KATNAL2: variants seen among roughly 807,000 people sequenced by gnomAD.
KATNAL2 encodes katanin catalytic subunit A1 like 2.
KATNAL2 carries 52 observed loss-of-function variants against 76.3 expected under a neutral mutation model. The observed-to-expected ratio is 0.68, with a 90% CI of 0.55 to 0.86. KATNAL2 has a LOEUF of 0.86. KATNAL2 is among the 40% of genes least tolerant of loss of function. The probability of loss-of-function intolerance (pLI) is 0.00; values close to 1 mark genes in which losing one functional copy is unlikely to be tolerated. For synonymous variants in KATNAL2, 243 were observed against 244.2 expected, an observed-to-expected ratio of 1.00 and a Z score of 0.05; for missense variants, 660 against 668.9, an observed-to-expected ratio of 0.99 and a Z score of 0.15.
At chr18:46,922,981 T>A (rs1189702766) in intron 1 of KATNAL2, among the ~76,000 whole-genome samples, 1 of 148,538 alleles carries the variant, frequency 6.7e-6, no homozygotes, top group Non-Finnish European at 1.5e-5. Context: ...AGTAAACACT[T>A]CAGTCCATAT....
chr18:46,961,282 G>C (rs2059937934), intron 3 of KATNAL2, among the ~76,000 whole-genome samples: 1 of 152,046 alleles, frequency 6.6e-6, no homozygotes, highest in Non-Finnish European at 1.5e-5. Context: ...CAAGGTGGCA[G>C]GGGCGGTGGG....
intron 3 of KATNAL2, chr18:47,035,215 C>T (rs1416783971): frequency 2.5e-6 from 4 of 1,612,614 alleles, no homozygotes; most frequent in South Asian, 1.1e-5. Flanking sequence ...AGTGGCCAGA[C>T]GCACCTGCAG....
chr18:47,096,503 G>A (rs147901508), intron 15 of KATNAL2, among the ~76,000 whole-genome samples: 6 of 151,998 alleles, frequency 3.9e-5, no homozygotes, highest in South Asian at 2.1e-4. Context: ...CACCACACCC[G>A]GCTAATTTTT....
At chr18:47,047,386 G>C (rs2061194210) in intron 4 of KATNAL2, among the ~76,000 whole-genome samples, 1 of 152,128 alleles carries the variant, frequency 6.6e-6, no homozygotes, top group African/African-American at 2.4e-5. Flanking sequence ...CTGGCTATGT[G>C]CACAAGATAA....
chr18:47,084,847 TAAAAAAAAAAAAAA>T (rs34034453), intron 15 of KATNAL2, among the ~76,000 whole-genome samples: 1 of 25,534 alleles, frequency 3.9e-5, no homozygotes, highest in Non-Finnish European at 6.5e-5. Context: ...AGACTCTGTC[TAAAAAAAAAAAAAA>T]AAAAAAAAAA....
At chr18:47,074,690 G>A (rs2062132513) in intron 13 of KATNAL2, among the ~76,000 whole-genome samples, 2 of 151,910 alleles carry the variant, frequency 1.3e-5, no homozygotes, top group South Asian at 4.2e-4. Context: ...ATAGAACATC[G>A]TATTCAATTG....
chr18:46,934,007 A>G (rs1347700468), intron 1 of KATNAL2, among the ~76,000 whole-genome samples: 1 of 150,772 alleles, frequency 6.6e-6, no homozygotes, highest in Non-Finnish European at 1.5e-5. Context: ...ATAGTATTCC[A>G]TGGTGTATAT....
intron 6 of KATNAL2, among the ~76,000 whole-genome samples, chr18:47,055,239 G>A (rs750803526): frequency 4.6e-5 from 7 of 152,172 alleles, no homozygotes; most frequent in East Asian, 1.9e-4. Context: ...CTGGGGCATC[G>A]CAACCTGTGG....
chr18:46,948,888 T>TTGTGTGTGTGTGTGTGTG (rs71264810), intron 3 of KATNAL2, among the ~76,000 whole-genome samples: 14 of 145,796 alleles, frequency 9.6e-5, no homozygotes, highest in African/African-American at 3.1e-4. Context: ...AGTATCTGCA[T>TTGTGTGTGTGTGTGTGTG]TGTGTGTGTG....
At chr18:47,054,344 T>A in intron 5 of KATNAL2, 52 bp from the exon 6 acceptor site, 2 of 1,511,604 alleles carry the variant, frequency 1.3e-6, no homozygotes, top group Non-Finnish European at 1.8e-6. Context: ...AAAAATCACT[T>A]TGTCACTCTT....
At chr18:46,936,753 A>T (rs1221312612) in intron 1 of KATNAL2, among the ~76,000 whole-genome samples, 2 of 152,140 alleles carry the variant, frequency 1.3e-5, no homozygotes, top group Admixed American at 1.3e-4. Flanking sequence ...GGAGTTCGAG[A>T]CCAGCCTGGC....
chr18:47,052,933 G>A lies in KATNAL2; in HGVS notation c.176G>A (p.Arg59Gln), dbSNP rs756899737. ...LEQETKLGLR[R>Q]FEVCDNIDLE... ...CAAGAAACTAAACTGGGGTTACGAC[G>A]GTTTGAAGTTTGTGACAACATTGAT... is the stretch of plus-strand genomic sequence containing the variant. Residue 59 changes from arginine to glutamine, a missense_variant, in exon 5 of 18, where the codon CGG (arginine) becomes CAG (glutamine). Coordinates refer to ENST00000683218, the MANE Select transcript of KATNAL2 (RefSeq NM_001387690.1). The A allele has an allele frequency of 5.6e-6, 9 of 1,612,066 alleles. No individual in the cohort carries two copies. Among genetic ancestry groups the A allele is most frequent in the Middle Eastern group, 1.7e-4 (1 of 6,056 alleles).
intron 3 of KATNAL2, among the ~76,000 whole-genome samples, chr18:47,045,602 T>G (rs1174724302): frequency 6.6e-6 from 1 of 152,128 alleles, no homozygotes; most frequent in African/African-American, 2.4e-5. Context: ...GGATTACAGG[T>G]ATGAGCCACC....
rs770499047 is a variant in KATNAL2 at position 47,058,303 on chromosome 18, C to T, written c.401C>T (p.Ala134Val). 34 of 1,613,850 alleles carry T rather than the reference C, an allele frequency of 2.1e-5. No homozygotes were observed. Among genetic ancestry groups the T allele is most frequent in the South Asian group, 6.6e-5 (6 of 91,064 alleles). Residue 134 changes from alanine (A) to valine (V), a missense_variant, in exon 7 of 18, where the codon GCG becomes GTG. By Grantham distance (64) the Ala-to-Val change is moderately conservative. Transcript: ENST00000683218. ...NQQRPRSKTT[A>V]GKTGDTKSLN... ...CAGAGGCCCCGGTCCAAAACCACAG[C>T]GGGGAAGACAGGGGACACCAAATCG...
At chr18:47,077,706 A>T (rs1351129837) in intron 15 of KATNAL2, among the ~76,000 whole-genome samples, 3 of 152,226 alleles carry the variant, frequency 2.0e-5, no homozygotes, top group Non-Finnish European at 4.4e-5. Flanking sequence ...TTTCAAGATT[A>T]AAGCCAAATT....
chr18:47,092,890 A>C (rs1268311349), intron 15 of KATNAL2, among the ~76,000 whole-genome samples: 1 of 152,022 alleles, frequency 6.6e-6, no homozygotes, highest in Non-Finnish European at 1.5e-5. Flanking sequence ...ATTTTTTTTT[A>C]GGCCTCACAT....
chr18:47,091,688 T>C (rs2063006708), intron 15 of KATNAL2, among the ~76,000 whole-genome samples: 1 of 152,136 alleles, frequency 6.6e-6, no homozygotes, highest in Non-Finnish European at 1.5e-5. Flanking sequence ...CATTAGCTAA[T>C]CAATACAGAC....
intron 3 of KATNAL2, chr18:47,035,196 C>T: frequency 6.2e-7 from 1 of 1,612,616 alleles, no homozygotes; most frequent in Non-Finnish European, 8.5e-7. Flanking sequence ...GCTTTTTCGG[C>T]TCCGTCTTAG....
chr18:46,956,955 A>G (rs543552852), intron 3 of KATNAL2, among the ~76,000 whole-genome samples: 1 of 149,222 alleles, frequency 6.7e-6, no homozygotes, highest in South Asian at 2.2e-4. Flanking sequence ...AGACAAGAGA[A>G]TTGGTTGAAC....
Sources: gnomAD v4.1 joint callset for allele counts (sites outside exome capture counted in the v4.1 genomes callset) on GRCh38, gnomAD v4.1.1 for gene constraint, MANE v1.5 for transcripts, NCBI Gene and HGNC (gene_info 2026-07-23, HGNC 2026-07-21) for gene names.